Variants in LEKR1 observed in about 807,000 individuals in gnomAD.
The protein encoded by LEKR1 is protein LEKR1.
LEKR1 carries 59 observed loss-of-function variants against 72.4 expected under a neutral mutation model. The ratio of observed to expected loss-of-function variants is 0.82; its 90% CI spans 0.66 to 1.01. LEKR1 has a LOEUF of 1.01. Ranked by LOEUF, LEKR1 falls within the 50% of genes least tolerant of loss-of-function variation. The pLI is 0.00. For missense variants in LEKR1, 728 were observed against 759.2 expected (o/e 0.96, Z 0.48); for synonymous variants, 257 against 263.2 (o/e 0.98, Z 0.23).
chr3:156,968,496 C>T (rs1728838899), intron 6 of LEKR1, among the ~76,000 whole-genome samples: 1 of 152,140 alleles, frequency 6.6e-6, no homozygotes, highest in South Asian at 2.1e-4. Context: ...ATAAAACAAA[C>T]TTTAAACCAA....
chr3:157,045,645 G>A lies in LEKR1; in HGVS notation c.1974G>A (p.Val658=). The change falls in exon 13 of 13, where the codon GTG becomes GTA. Residue 658 remains valine (V), a synonymous_variant. Coordinates refer to ENST00000356539, the MANE Select transcript of LEKR1 (RefSeq NM_001004316.3). ...SDKPKRVRSG[V]PILPQPHPPR... is the part of the protein sequence containing the mutation. The stretch of plus-strand genomic sequence containing the variant: ...AGCCGAAGAGGGTTAGATCAGGCGT[G>A]CCCATTCTCCCCCAGCCACATCCTC... 1.9e-6 allele frequency: 3 copies of A among 1,614,090 alleles called. No homozygotes were observed. Among genetic ancestry groups the A allele is most frequent in the East Asian group, 4.5e-5 (2 of 44,872 alleles).
intron 6 of LEKR1, among the ~76,000 whole-genome samples, chr3:156,943,983 G>A: frequency 6.6e-6 from 1 of 151,094 alleles, no homozygotes. Context: ...TAATTTTATA[G>A]CAAATTTTAT....
chr3:156,924,571 T>C, intron 4 of LEKR1: 1 of 647,620 alleles, frequency 1.5e-6, no homozygotes, highest in Non-Finnish European at 2.8e-6. Context: ...TTCTTCTAAG[T>C]GTTTTATAGT....
chr3:156,974,216 T>G (rs533923406), intron 6 of LEKR1, among the ~76,000 whole-genome samples: 2 of 152,140 alleles, frequency 1.3e-5, no homozygotes, highest in African/African-American at 4.8e-5. Flanking sequence ...CATATCTACA[T>G]GTAGCTACAT....
At chr3:156,895,113 G>T (rs1222145441) in intron 3 of LEKR1, among the ~76,000 whole-genome samples, 1 of 152,168 alleles carries the variant, frequency 6.6e-6, no homozygotes, top group African/African-American at 2.4e-5. Flanking sequence ...CCTACAGAAT[G>T]GGAGAGAATT....
chr3:156,932,812 C>A (rs1017008652), intron 5 of LEKR1, among the ~76,000 whole-genome samples: 11 of 151,644 alleles, frequency 7.3e-5, no homozygotes, highest in Non-Finnish European at 1.3e-4. Context: ...AGGCGGATCC[C>A]GAGGTCAGGA....
intron 6 of LEKR1, among the ~76,000 whole-genome samples, chr3:156,948,927 CT>C (rs996201501): frequency 1.3e-5 from 2 of 151,206 alleles, no homozygotes; most frequent in African/African-American, 2.4e-5. Context: ...TGATAGTGAA[CT>C]TTTTTTTCCT....
intron 12 of LEKR1, among the ~76,000 whole-genome samples, chr3:157,030,709 A>G (rs2108039168): frequency 6.6e-6 from 1 of 152,292 alleles, no homozygotes; most frequent in East Asian, 1.9e-4. Flanking sequence ...TAGAGGCTCA[A>G]GTTCTCTCAT....
chr3:156,962,914 T>C (rs1281245334), intron 6 of LEKR1, among the ~76,000 whole-genome samples: 1 of 152,170 alleles, frequency 6.6e-6, no homozygotes, highest in African/African-American at 2.4e-5. Flanking sequence ...ACCACTCTCT[T>C]TGCCTTTTCT....
intron 3 of LEKR1, among the ~76,000 whole-genome samples, chr3:156,868,195 C>T (rs1717524644): frequency 6.6e-6 from 1 of 152,092 alleles, no homozygotes; most frequent in Admixed American, 6.6e-5. Flanking sequence ...AATATTTCTA[C>T]TCAGATAAAT....
chr3:156,908,302 C>T (rs12638253), intron 3 of LEKR1, among the ~76,000 whole-genome samples: 64,800 of 151,894 alleles, frequency 0.43, 16,063 homozygotes, highest in East Asian at 0.73. Flanking sequence ...TTTTTCAGTA[C>T]TATCAGTAGA....
At chr3:156,979,384 C>T in intron 7 of LEKR1, 109 bp downstream of exon 7, 1 of 451,788 alleles carries the variant, frequency 2.2e-6, no homozygotes, top group Non-Finnish European at 4.0e-6. Flanking sequence ...GGTGTGTTCT[C>T]TGTGATTCTT....
intron 6 of LEKR1, among the ~76,000 whole-genome samples, chr3:156,961,132 A>G (rs1372264960): frequency 6.6e-6 from 1 of 152,210 alleles, no homozygotes; most frequent in Non-Finnish European, 1.5e-5. Flanking sequence ...CCAACTTTCA[A>G]ATTTATTCCA....
Position 156,891,124 on chromosome 3 carries a change from G to A in LEKR1, c.264-29451G>A, listed in dbSNP as rs191236263. Among the ~76,000 whole-genome samples the A allele has an allele frequency of 2.6e-4, 39 of 151,270 alleles. 1 individual carries two copies. Among genetic ancestry groups the A allele is most frequent in the African/African-American group, 8.7e-4 (36 of 41,216 alleles). On this transcript the variant is annotated intron_variant, in intron 3 of 12. Transcript: ENST00000356539. ...TGACCTCAGGTGATCTGCCTGCCTC[G>A]GCCTCCCAAAGTGCTGGGATTACAG...
intron 2 of LEKR1, among the ~76,000 whole-genome samples, chr3:156,841,319 T>C (rs1391016325): frequency 6.6e-6 from 1 of 152,258 alleles, no homozygotes; most frequent in Non-Finnish European, 1.5e-5. Flanking sequence ...TTTGAAAATA[T>C]AAAATATGTA....
chr3:157,015,266 G>A (rs770597926), intron 10 of LEKR1, among the ~76,000 whole-genome samples: 3 of 152,128 alleles, frequency 2.0e-5, no homozygotes, highest in African/African-American at 7.2e-5. Flanking sequence ...GTTGCACAGG[G>A]AAGAACACTG....
chr3:157,038,070 G>A (rs796345752), intron 12 of LEKR1, among the ~76,000 whole-genome samples: 43 of 152,240 alleles, frequency 2.8e-4, no homozygotes, highest in African/African-American at 1.0e-3. Flanking sequence ...TAGGAATTTC[G>A]AACAAGGAAT....
At chr3:156,839,407 T>C (rs976193152) in intron 2 of LEKR1, among the ~76,000 whole-genome samples, 3 of 152,204 alleles carry the variant, frequency 2.0e-5, no homozygotes, top group Admixed American at 6.5e-5. Context: ...ATCATTCTTA[T>C]AGAAAAAGCT....
intron 6 of LEKR1, among the ~76,000 whole-genome samples, chr3:156,968,432 T>C (rs1482370144): frequency 2.0e-5 from 3 of 151,976 alleles, no homozygotes; most frequent in Non-Finnish European, 1.5e-5. Context: ...TGGAGGAAGA[T>C]CTACCAAGCA....
Sources: gnomAD v4.1 joint callset for allele counts (sites outside exome capture counted in the v4.1 genomes callset) on GRCh38, gnomAD v4.1.1 for gene constraint, MANE v1.5 for transcripts, NCBI Gene and HGNC (gene_info 2026-07-23, HGNC 2026-07-21) for gene names.